Variants in EYS observed in about 807,000 individuals in gnomAD.
EYS encodes EGF-like photoreceptor maintenance factor.
In EYS, 250 loss-of-function variants were observed where a neutral mutation model predicts 282.1. The observed-to-expected ratio is 0.89, with a 90% CI of 0.80 to 0.98. The LOEUF (loss-of-function observed/expected upper bound fraction) is 0.98, where lower values mean the gene tolerates loss of function less well. Among genes scored for constraint, EYS ranks in the 50% least tolerant of loss-of-function variants. The probability of loss-of-function intolerance (pLI) is 0.00; values close to 1 mark genes in which losing one functional copy is unlikely to be tolerated. For synonymous variants in EYS, 1,355 were observed against 1,282.9 expected, an observed-to-expected ratio of 1.06 and a Z score of -1.20; for missense variants, 4,016 against 3,709.0, an observed-to-expected ratio of 1.08 and a Z score of -2.15.
rs1012748281 is a variant in EYS, at chr6:65,330,574, T to C, written c.1766+4406A>G. 4 of 975,200 alleles carry C rather than the reference T, an allele frequency of 4.1e-6. No individual in the cohort carries two copies. In the South Asian group the frequency reaches 1.4e-4, roughly 35 times the overall value. The allele number at this position is 975,200 out of a possible 1,614,324, so 60.4% of individuals were successfully genotyped here. On this transcript the variant is annotated intron_variant, in intron 11 of 42. Coordinates refer to ENST00000503581, the MANE Select transcript of EYS (RefSeq NM_001142800.2). ...AATATGCAGACCTGTTTGCAATACA[T>C]CATTTATATAATGAATTTTAATCTG...
At chr6:64,531,549 GTTTATTTTATTTTATTTTAT>G (rs201525645) in intron 26 of EYS, among the ~76,000 whole-genome samples, 49 of 124,142 alleles carry the variant, frequency 3.9e-4, no homozygotes, top group East Asian at 3.6e-3. Context: ...ACCACGCCTG[GTTTATTTTATTTTATTTTAT>G]TTTATTTTAT....
intron 36 of EYS, among the ~76,000 whole-genome samples, chr6:63,857,116 T>C (rs916500875): frequency 2.0e-5 from 3 of 152,230 alleles, no homozygotes; most frequent in African/African-American, 7.2e-5. Flanking sequence ...GATTTAAACT[T>C]CTTTCATCAT....
intron 5 of EYS, among the ~76,000 whole-genome samples, chr6:65,475,748 G>GACACAC (rs111446667): frequency 7.0e-4 from 85 of 121,602 alleles, no homozygotes; most frequent in African/African-American, 2.1e-3. Context: ...CAGACAGACA[G>GACACAC]ACAGACAGAC....
chr6:64,846,014 C>T (rs1562222552), intron 19 of EYS, among the ~76,000 whole-genome samples: 1 of 152,070 alleles, frequency 6.6e-6, no homozygotes, highest in Admixed American at 6.6e-5. Flanking sequence ...TTCAACTTAA[C>T]ATATGTTTCC....
At chr6:64,684,115 G>T (rs1234098270) in intron 22 of EYS, among the ~76,000 whole-genome samples, 2 of 152,042 alleles carry the variant, frequency 1.3e-5, no homozygotes, top group African/African-American at 4.8e-5. Context: ...AAGAGATAAA[G>T]AAAATATCTT....
chr6:65,610,113 G>T (rs575701219), intron 2 of EYS, among the ~76,000 whole-genome samples: 1 of 151,910 alleles, frequency 6.6e-6, no homozygotes, highest in African/African-American at 2.4e-5. Flanking sequence ...TTACTAAGTT[G>T]TCCAGACTTG....
In EYS at chr6:65,212,902, TA is replaced by T. The variant is rs559048273; in HGVS notation, c.2023+82960del. Among the ~76,000 whole-genome samples, 4 of 152,238 alleles carry T rather than the reference TA, an allele frequency of 2.6e-5. No homozygotes were observed. The South Asian group carries it at 8.3e-4, about 32-fold the overall frequency. On this transcript the variant is annotated intron_variant, in intron 12 of 42. Transcript: ENST00000503581. ...CTTATGATAATATGTAAAAATATAT[TA>T]ATAATTAATTGAGATGCTTTCAATT...
intron 13 of EYS, among the ~76,000 whole-genome samples, chr6:65,022,866 G>A (rs1298430818): frequency 6.6e-6 from 1 of 151,794 alleles, no homozygotes; most frequent in Non-Finnish European, 1.5e-5. Context: ...AGAATATAGA[G>A]ATATGTTGTA....
At chr6:64,791,499 T>A in intron 22 of EYS, among the ~76,000 whole-genome samples, 1 of 151,874 alleles carries the variant, frequency 6.6e-6, no homozygotes, top group East Asian at 1.9e-4. Flanking sequence ...AATAGAAATC[T>A]GCTATAAAAG....
chr6:65,249,584 C>A (rs937383872), intron 12 of EYS, among the ~76,000 whole-genome samples: 1 of 150,294 alleles, frequency 6.7e-6, no homozygotes, highest in Non-Finnish European at 1.5e-5. Context: ...GGTTTAAACA[C>A]TATCAAGAAA....
chr6:64,403,033 A>G (rs1169272125), intron 28 of EYS, among the ~76,000 whole-genome samples: 1 of 152,198 alleles, frequency 6.6e-6, no homozygotes, highest in Non-Finnish European at 1.5e-5. Flanking sequence ...GAGCTGTAAA[A>G]CAATACTCAA....
chr6:65,401,937 T>A (rs1031530162), intron 7 of EYS, among the ~76,000 whole-genome samples: 1 of 151,938 alleles, frequency 6.6e-6, no homozygotes, highest in African/African-American at 2.4e-5. Flanking sequence ...TATTTAAAAT[T>A]GACTAAATTA....
intron 12 of EYS, among the ~76,000 whole-genome samples, chr6:65,261,306 C>T (rs1767614635): frequency 6.6e-6 from 1 of 151,778 alleles, no homozygotes; most frequent in South Asian, 2.1e-4. Context: ...TATATATACA[C>T]ACACAAACAT....
chr6:65,369,317 T>TTATATATATATATA (rs1562127754), intron 8 of EYS, among the ~76,000 whole-genome samples: 13 of 33,322 alleles, frequency 3.9e-4, no homozygotes, highest in East Asian at 2.9e-3. Flanking sequence ...ATATATATAT[T>TTATATATATATATA]ATATATATAT....
intron 14 of EYS, among the ~76,000 whole-genome samples, chr6:64,986,988 T>C (rs1770881262): frequency 6.6e-6 from 1 of 151,428 alleles, no homozygotes; most frequent in South Asian, 2.1e-4. Context: ...TTTCTGATGG[T>C]AAAAGTGCAG....
intron 31 of EYS, among the ~76,000 whole-genome samples, chr6:64,117,901 T>A (rs1228707904): frequency 1.3e-5 from 2 of 152,052 alleles, no homozygotes; most frequent in African/African-American, 4.8e-5. Context: ...AGCATTTCTG[T>A]ATACTGATAA....
chr6:64,367,820 T>C (rs939771755), intron 29 of EYS, among the ~76,000 whole-genome samples: 2 of 152,220 alleles, frequency 1.3e-5, no homozygotes, highest in African/African-American at 4.8e-5. Flanking sequence ...ATTACTTCTT[T>C]AAGGTTAGAT....
intron 11 of EYS, chr6:65,330,248 A>T (rs1769747520): frequency 1.1e-6 from 1 of 948,106 alleles, no homozygotes; most frequent in African/African-American, 1.8e-5. Context: ...AATATCTTCC[A>T]GTTAGAGGAG....
At chr6:63,738,149 G>C (rs543989482) in intron 41 of EYS, among the ~76,000 whole-genome samples, 13 of 152,186 alleles carry the variant, frequency 8.5e-5, no homozygotes, top group African/African-American at 1.4e-4. Flanking sequence ...GGACTGTAAA[G>C]TAGTTCAACC....
Sources: allele counts gnomAD v4.1 joint callset (sites outside exome capture counted in the v4.1 genomes callset), GRCh38; gene constraint gnomAD v4.1.1; transcripts MANE v1.5; gene names NCBI Gene and HGNC (gene_info 2026-07-23, HGNC 2026-07-21).